Variants in TACR3 observed in about 807,000 individuals in gnomAD.
The protein encoded by TACR3 is neuromedin-K receptor.
A neutral mutation model predicts 35.0 loss-of-function variants in TACR3; 34 were observed. The ratio of observed to expected loss-of-function variants is 0.97; its 90% CI spans 0.74 to 1.30. TACR3 has a LOEUF of 1.30. Ranked by LOEUF, TACR3 falls within the 50% of genes most tolerant of loss-of-function variation. TACR3 has a pLI of 0.00. For missense variants in TACR3, 558 were observed against 591.7 expected (o/e 0.94, Z 0.59); for synonymous variants, 233 against 221.1 (o/e 1.05, Z -0.48).
chr4:103,656,769 T>A (rs985898176), intron 2 of TACR3, among the ~76,000 whole-genome samples: 6 of 152,090 alleles, frequency 3.9e-5, no homozygotes, highest in Non-Finnish European at 8.8e-5. Flanking sequence ...CTGTCTTCTC[T>A]ATTGCTGCAA....
chr4:103,617,671 T>A (rs1724690967), intron 3 of TACR3, among the ~76,000 whole-genome samples: 1 of 152,216 alleles, frequency 6.6e-6, no homozygotes, highest in African/African-American at 2.4e-5. Flanking sequence ...AAATGATTCA[T>A]TATCGTTTAA....
chr4:103,592,087 T>C (rs1161594967), intron 3 of TACR3, among the ~76,000 whole-genome samples: 1 of 152,020 alleles, frequency 6.6e-6, no homozygotes, highest in East Asian at 1.9e-4. Context: ...ACTATGGAGG[T>C]TTACTAGGCT....
chr4:103,715,797 G>T (rs908390714), intron 1 of TACR3, among the ~76,000 whole-genome samples: 8 of 151,980 alleles, frequency 5.3e-5, no homozygotes, highest in African/African-American at 1.9e-4. Context: ...ACTATATGCC[G>T]TAAATGAATG....
intron 1 of TACR3, among the ~76,000 whole-genome samples, chr4:103,671,210 C>CTATAT (rs1726051950): frequency 6.6e-6 from 1 of 151,864 alleles, no homozygotes. Flanking sequence ...TTATTTTCAT[C>CTATAT]TATATTAATC....
intron 3 of TACR3, among the ~76,000 whole-genome samples, chr4:103,636,344 T>C (rs895426789): frequency 7.2e-6 from 1 of 139,634 alleles, no homozygotes; most frequent in African/African-American, 2.9e-5. Context: ...TTGGTAAGTA[T>C]GTGCAGTCCC....
intron 1 of TACR3, among the ~76,000 whole-genome samples, chr4:103,697,257 G>A (rs547626736): frequency 2.1e-4 from 32 of 152,254 alleles, no homozygotes; most frequent in African/African-American, 7.2e-4. Context: ...TCTGTTATTT[G>A]TAGAGTGGTT....
chr4:103,638,122 A>G (rs1235688389), intron 3 of TACR3, among the ~76,000 whole-genome samples: 3 of 152,128 alleles, frequency 2.0e-5, no homozygotes, highest in Admixed American at 6.5e-5. Context: ...AAGAGAGCCC[A>G]CATCGCCAAG....
intron 3 of TACR3, among the ~76,000 whole-genome samples, chr4:103,619,341 C>A (rs777768542): frequency 6.6e-6 from 1 of 152,146 alleles, no homozygotes; most frequent in South Asian, 2.1e-4. Context: ...AGACACCTGC[C>A]ACCACGCCTG....
intron 1 of TACR3, among the ~76,000 whole-genome samples, chr4:103,701,394 A>G (rs1217340504): frequency 6.6e-6 from 1 of 151,636 alleles, no homozygotes. Flanking sequence ...TCAATGAAAT[A>G]AAAGAGGATA....
At chr4:103,661,148 CCATGATA>C (rs1270056520) in intron 1 of TACR3, among the ~76,000 whole-genome samples, 1 of 151,754 alleles carries the variant, frequency 6.6e-6, no homozygotes, top group Non-Finnish European at 1.5e-5. Context: ...TATTTCTCCT[CCATGATA>C]TATATGTTAG....
At chr4:103,683,750 G>A (rs1722161651) in intron 1 of TACR3, among the ~76,000 whole-genome samples, 1 of 151,618 alleles carries the variant, frequency 6.6e-6, no homozygotes, top group Non-Finnish European at 1.5e-5. Flanking sequence ...AATAACACCA[G>A]TGCTACAAAA....
At chr4:103,675,217 C>T (rs1282516576) in intron 1 of TACR3, among the ~76,000 whole-genome samples, 5 of 152,070 alleles carry the variant, frequency 3.3e-5, no homozygotes, top group African/African-American at 1.2e-4. Flanking sequence ...TTGAAATGTC[C>T]TCATAATGAG....
At chr4:103,692,115 G>C (rs1722417273) in intron 1 of TACR3, among the ~76,000 whole-genome samples, 1 of 152,024 alleles carries the variant, frequency 6.6e-6, no homozygotes, top group African/African-American at 2.4e-5. Context: ...AAATTTTACT[G>C]TGTGTGAATG....
At chr4:103,600,898 A>T (rs11732107) in intron 3 of TACR3, among the ~76,000 whole-genome samples, 11 of 151,922 alleles carry the variant, frequency 7.2e-5, no homozygotes, top group African/African-American at 2.2e-4. Flanking sequence ...TCAGTTTTGG[A>T]GTAGGTGTGG....
chr4:103,610,328 G>A (rs1420789743), intron 3 of TACR3, among the ~76,000 whole-genome samples: 11 of 152,026 alleles, frequency 7.2e-5, no homozygotes, highest in Admixed American at 6.6e-4. Context: ...ACTGGGATGA[G>A]ATTATATCTC....
At chr4:103,663,375 T>A (rs930918615) in intron 1 of TACR3, among the ~76,000 whole-genome samples, 2 of 152,160 alleles carry the variant, frequency 1.3e-5, no homozygotes, top group African/African-American at 4.8e-5. Flanking sequence ...AGGCCTGTAA[T>A]CCCAGCTACT....
At chr4:103,606,888 C>A (rs903909072) in intron 3 of TACR3, among the ~76,000 whole-genome samples, 1 of 152,124 alleles carries the variant, frequency 6.6e-6, no homozygotes, top group Non-Finnish European at 1.5e-5. Flanking sequence ...GAGGGCATCC[C>A]TGTCTTGTGC....
chr4:103,589,517 T>A lies in TACR3; in HGVS notation c.*165A>T. The A allele has an allele frequency of 1.5e-6, 1 of 682,070 alleles. No individual in the cohort carries two copies. Among genetic ancestry groups the A allele is most frequent in the Non-Finnish European group, 2.4e-6 (1 of 409,170 alleles). The allele number at this position is 682,070 out of a possible 1,614,324, so 42.3% of individuals were successfully genotyped here. Reference sequence around the variant, plus strand: ...GGTGGAGGCTAACATGTTATTAGTGTCTTTGTCACATTTATACACTACCTT... The same window carrying A: ...GGTGGAGGCTAACATGTTATTAGTGACTTTGTCACATTTATACACTACCTT... On this transcript the variant is annotated 3_prime_UTR_variant, in exon 5 of 5. Coordinates refer to ENST00000304883, the MANE Select transcript of TACR3 (RefSeq NM_001059.3).
chr4:103,605,788 G>C (rs1724341798), intron 3 of TACR3, among the ~76,000 whole-genome samples: 1 of 151,978 alleles, frequency 6.6e-6, no homozygotes, highest in Non-Finnish European at 1.5e-5. Context: ...TGTTCACTCT[G>C]ATGGTAGTTT....
Sources: gnomAD v4.1 joint callset for allele counts (sites outside exome capture counted in the v4.1 genomes callset) on GRCh38, gnomAD v4.1.1 for gene constraint, MANE v1.5 for transcripts, NCBI Gene and HGNC (gene_info 2026-07-23, HGNC 2026-07-21) for gene names.